C4BPB: variants seen among roughly 807,000 people sequenced by gnomAD.
C4BPB encodes the protein C4b-binding protein beta chain.
Under a neutral mutation model 26.6 loss-of-function variants are expected in C4BPB, and 19 were observed. The observed-to-expected ratio is 0.71, with a 90% confidence interval of 0.50 to 1.05. The LOEUF is 1.05. Among genes scored for constraint, C4BPB ranks in the 50% least tolerant of loss-of-function variants. The pLI is 0.00. For synonymous variants in C4BPB, 118 were observed against 103.5 expected (o/e 1.14, Z -0.85); for missense variants, 282 against 302.9 (o/e 0.93, Z 0.51).
intron 3 of C4BPB, among the ~76,000 whole-genome samples, chr1:207,091,375 G>A (rs1684017340): frequency 6.6e-6 from 1 of 152,104 alleles, no homozygotes; most frequent in East Asian, 1.9e-4. Flanking sequence ...ACATACGATT[G>A]GTAACTTTCA....
chr1:207,096,177 A>C, intron 4 of C4BPB: 1 of 286,600 alleles, frequency 3.5e-6, no homozygotes, highest in Non-Finnish European at 6.7e-6. Context: ...GCCTTCACCT[A>C]TGGCCCAATT....
chr1:207,092,253 T>C (rs1684058019), intron 4 of C4BPB, among the ~76,000 whole-genome samples: 2 of 152,208 alleles, frequency 1.3e-5, no homozygotes, highest in Non-Finnish European at 2.9e-5. Context: ...GTTAGTAAAT[T>C]GGGTGTGTTT....
At chr1:207,094,227 G>A (rs1348536534) in intron 4 of C4BPB, among the ~76,000 whole-genome samples, 2 of 151,898 alleles carry the variant, frequency 1.3e-5, no homozygotes, top group Non-Finnish European at 2.9e-5. Context: ...TGCAGTCCCA[G>A]CTACTTGGGA....
At chr1:207,098,469 T>A (rs966057119) in intron 6 of C4BPB, among the ~76,000 whole-genome samples, 6 of 152,214 alleles carry the variant, frequency 3.9e-5, no homozygotes, top group African/African-American at 1.4e-4. Flanking sequence ...TTCACTACCA[T>A]CATCACAAAT....
chr1:207,099,621 A>G (rs189105851), intron 6 of C4BPB, among the ~76,000 whole-genome samples, 168 bp from the exon 7 acceptor site: 1 of 152,232 alleles, frequency 6.6e-6, no homozygotes, highest in African/African-American at 2.4e-5. Flanking sequence ...AAGTATATTT[A>G]AGCCAGAAAA....
Position 207,089,493 on chromosome 1 carries a change from G to C in C4BPB, c.-39G>C. The C allele has an allele frequency of 6.3e-7, 1 of 1,598,160 alleles. No individual in the cohort carries two copies. On this transcript the variant is annotated 5_prime_UTR_variant, in exon 2 of 7. Coordinates refer to ENST00000367078, the MANE Select transcript of C4BPB (RefSeq NM_001017365.3). Reference sequence around the variant, plus strand: ...TTTTTTCAAACCAGGTGTCTGAGCTGGGTGAATTCCAGCCTGGGGAGAGGA... The same window carrying C: ...TTTTTTCAAACCAGGTGTCTGAGCTCGGTGAATTCCAGCCTGGGGAGAGGA...
intron 6 of C4BPB, among the ~76,000 whole-genome samples, chr1:207,098,947 T>C (rs895688984): frequency 1.3e-5 from 2 of 151,966 alleles, no homozygotes; most frequent in African/African-American, 2.4e-5. Context: ...TGACAGATCA[T>C]CAGGCATTAG....
Position 207,099,802 on chromosome 1 carries a change from A to T in C4BPB, c.632A>T (p.Glu211Val). Residue 211 changes from glutamate to valine, a missense_variant, in exon 7 of 7, where the codon GAG becomes GTG. Glu to Val is a moderately radical substitution (Grantham distance 121). Transcript: ENST00000367078. Reference sequence around the variant, plus strand: ...TTCTTTCTTCAGCTTGCCTTTCAGGAGAGTAAGAACCTCTGCGAAGCCATG... The same window carrying T: ...TTCTTTCTTCAGCTTGCCTTTCAGGTGAGTAAGAACCTCTGCGAAGCCATG... ...ECEKALLAFQ[E>V]SKNLCEAMEN... is the part of the protein sequence containing the mutation. 6.2e-7 allele frequency: 1 copy of T among 1,611,728 alleles called. No homozygotes were observed. Among genetic ancestry groups the T allele is most frequent in the East Asian group, 2.2e-5 (1 of 44,858 alleles).
intron 2 of C4BPB, 71 bp downstream of exon 2, chr1:207,089,660 T>C (rs1683945992): frequency 2.4e-6 from 3 of 1,276,218 alleles, no homozygotes; most frequent in Non-Finnish European, 3.4e-6. Flanking sequence ...AGGAACTCTG[T>C]CTAGGGCTTT....
At chr1:207,092,629 C>CTTTTTTTT (rs755904248) in intron 4 of C4BPB, among the ~76,000 whole-genome samples, 3 of 134,588 alleles carry the variant, frequency 2.2e-5, no homozygotes, top group Non-Finnish European at 1.6e-5. Context: ...TTCTTTCTTT[C>CTTTTTTTT]TTTTTTTTTT....
intron 6 of C4BPB, among the ~76,000 whole-genome samples, chr1:207,098,972 G>A (rs1345287294): frequency 1.6e-4 from 25 of 152,060 alleles, no homozygotes; most frequent in Non-Finnish European, 3.2e-4. Context: ...TCATCTGGGA[G>A]TGATGGGAGA....
intron 1 of C4BPB, 195 bp from the exon 2 acceptor site, chr1:207,089,287 C>G: frequency 2.2e-6 from 1 of 453,976 alleles, no homozygotes; most frequent in Non-Finnish European, 3.9e-6. Flanking sequence ...AACCTGGCAA[C>G]TCTTTTACCA....
At chr1:207,092,710 C>T in intron 4 of C4BPB, among the ~76,000 whole-genome samples, 1 of 149,722 alleles carries the variant, frequency 6.7e-6, no homozygotes. Flanking sequence ...TCACTGCAAC[C>T]TCTGCTGCCC....
At chr1:207,099,205 T>G (rs1486911722) in intron 6 of C4BPB, among the ~76,000 whole-genome samples, 1 of 152,310 alleles carries the variant, frequency 6.6e-6, no homozygotes, top group East Asian at 1.9e-4. Flanking sequence ...GGCATTAGAC[T>G]CTCATAAAGA....
intron 4 of C4BPB, among the ~76,000 whole-genome samples, chr1:207,092,876 C>T (rs1169669546): frequency 1.3e-5 from 2 of 152,040 alleles, no homozygotes; most frequent in African/African-American, 4.8e-5. Flanking sequence ...CCACCCACCT[C>T]GGCCTCCTAA....
chr1:207,094,385 G>T (rs1175521105), intron 4 of C4BPB, among the ~76,000 whole-genome samples: 1 of 151,916 alleles, frequency 6.6e-6, no homozygotes, highest in Non-Finnish European at 1.5e-5. Flanking sequence ...CTTACATGAG[G>T]GAATTTGGGG....
intron 3 of C4BPB, among the ~76,000 whole-genome samples, chr1:207,090,856 T>C (rs1415649935): frequency 6.6e-6 from 1 of 152,252 alleles, no homozygotes; most frequent in Non-Finnish European, 1.5e-5. Context: ...TATAGACTCA[T>C]CACATAATTT....
chr1:207,089,584 C>T lies in C4BPB; in HGVS notation c.53C>T (p.Ser18Leu). The T allele has an allele frequency of 2.5e-6, 4 of 1,614,016 alleles. No individual in the cohort carries two copies. The highest frequency in any genetic ancestry group is 3.4e-6 in the Non-Finnish European group (4 of 1,179,914). Residue 18 changes from serine (S) to leucine (L), a missense_variant, in exon 2 of 7, where the codon TCA (serine) becomes TTA (leucine). Ser to Leu is a moderately radical substitution (Grantham distance 145, BLOSUM62 -2). Transcript: ENST00000367078. Reference protein sequence around the residue: ...CLMVAWRVSASDAEHCPELPP... With the variant: ...CLMVAWRVSALDAEHCPELPP... ...ATGGTTGCGTGGCGAGTTTCTGCTT[C>T]AGATGGTACGTATGCTTTCCTTCAA... is the stretch of plus-strand genomic sequence containing the variant.
intron 5 of C4BPB, among the ~76,000 whole-genome samples, chr1:207,097,197 A>G (rs1684285518): frequency 6.6e-6 from 1 of 151,778 alleles, no homozygotes; most frequent in Admixed American, 6.6e-5. Context: ...AATAAAATGT[A>G]TGGGTTTTTT....
Sources: allele counts gnomAD v4.1 joint callset (sites outside exome capture counted in the v4.1 genomes callset), GRCh38; gene constraint gnomAD v4.1.1; transcripts MANE v1.5; gene names NCBI Gene and HGNC (gene_info 2026-07-23, HGNC 2026-07-21).